Variants in PDE7B observed in about 807,000 individuals in gnomAD.
The protein encoded by PDE7B is 3',5'-cyclic-AMP phosphodiesterase 7B.
PDE7B carries 29 observed loss-of-function variants against 56.2 expected under a neutral mutation model. The ratio of observed to expected loss-of-function variants is 0.52; its 90% confidence interval spans 0.38 to 0.70. The LOEUF (loss-of-function observed/expected upper bound fraction) is 0.70. PDE7B is among the 30% of genes least tolerant of loss of function. The pLI is 0.00. For missense variants in PDE7B, 490 were observed against 565.0 expected (o/e 0.87, Z 1.35); for synonymous variants, 197 against 196.9 (o/e 1.00, Z 0.00).
intron 2 of PDE7B, among the ~76,000 whole-genome samples, chr6:135,956,165 TAAAGGA>T (rs956355701): frequency 7.2e-5 from 11 of 151,830 alleles, no homozygotes; most frequent in Admixed American, 2.0e-4. Flanking sequence ...GGCAGAAAGA[TAAAGGA>T]AAAGGAGAGG....
intron 3 of PDE7B, among the ~76,000 whole-genome samples, chr6:136,147,046 G>T (rs1778424656): frequency 6.6e-6 from 1 of 152,058 alleles, no homozygotes; most frequent in South Asian, 2.1e-4. Flanking sequence ...GGAGGGTGAG[G>T]CGGGAGGATC....
chr6:136,126,719 G>GT (rs1778028383), intron 3 of PDE7B, among the ~76,000 whole-genome samples: 2 of 152,264 alleles, frequency 1.3e-5, no homozygotes, highest in Admixed American at 1.3e-4. Context: ...ACCAAACATC[G>GT]TATGTTCTCA....
intron 2 of PDE7B, among the ~76,000 whole-genome samples, chr6:136,067,724 T>A (rs930399316): frequency 3.3e-5 from 5 of 152,180 alleles, no homozygotes; most frequent in Non-Finnish European, 5.9e-5. Context: ...AAGGAAGGTG[T>A]TTTTCAAGTG....
chr6:135,851,977 A>G lies in PDE7B; in HGVS notation c.-22A>G. 6.2e-7 allele frequency: 1 copy of G among 1,600,930 alleles called. No individual in the cohort carries two copies. The highest frequency in any genetic ancestry group is 8.6e-7 in the Non-Finnish European group (1 of 1,168,054). On this transcript the variant is annotated 5_prime_UTR_variant, in exon 1 of 13. Coordinates refer to ENST00000308191, the MANE Select transcript of PDE7B (RefSeq NM_018945.4). Reference sequence around the variant, plus strand: ...AGAGATTTCACGGCATTCAAAGGTCACAGAACTGCCACTATGGTTAAATGT... The same window carrying G: ...AGAGATTTCACGGCATTCAAAGGTCGCAGAACTGCCACTATGGTTAAATGT...
At chr6:136,047,678 C>T (rs370418020) in intron 2 of PDE7B, among the ~76,000 whole-genome samples, 11 of 152,126 alleles carry the variant, frequency 7.2e-5, no homozygotes, top group African/African-American at 2.7e-4. Context: ...TAAGCATCAA[C>T]CAAATAGGTG....
At chr6:135,946,747 G>T (rs1774602746) in intron 1 of PDE7B, among the ~76,000 whole-genome samples, 1 of 151,896 alleles carries the variant, frequency 6.6e-6, no homozygotes, top group African/African-American at 2.4e-5. Context: ...TTTTCTATTA[G>T]ATTTGTTATG....
At chr6:136,033,086 A>C (rs1776268552) in intron 2 of PDE7B, among the ~76,000 whole-genome samples, 1 of 152,258 alleles carries the variant, frequency 6.6e-6, no homozygotes, top group Non-Finnish European at 1.5e-5. Context: ...ATCAGAAATA[A>C]GTCCTGAAAT....
intron 2 of PDE7B, among the ~76,000 whole-genome samples, chr6:136,040,654 TAGAC>T (rs997481021): frequency 6.6e-6 from 1 of 152,222 alleles, no homozygotes; most frequent in Admixed American, 6.5e-5. Flanking sequence ...AGGTTTATGA[TAGAC>T]AGCTCTTCAA....
intron 1 of PDE7B, among the ~76,000 whole-genome samples, chr6:135,860,625 T>G (rs1247147703): frequency 6.6e-6 from 1 of 151,994 alleles, no homozygotes; most frequent in Non-Finnish European, 1.5e-5. Flanking sequence ...ATTTGTTAGA[T>G]TAAGGTGTTT....
At chr6:135,988,686 T>C (rs1775423474) in intron 2 of PDE7B, among the ~76,000 whole-genome samples, 1 of 152,140 alleles carries the variant, frequency 6.6e-6, no homozygotes, top group Non-Finnish European at 1.5e-5. Context: ...AGTGTTCTGA[T>C]CAAGTGGGTA....
intron 3 of PDE7B, chr6:136,115,088 A>G (rs1483182444): frequency 6.6e-6 from 1 of 152,180 alleles, no homozygotes; most frequent in East Asian, 1.9e-4. Context: ...GGAGATACAA[A>G]GATGAATGAG....
chr6:136,126,396 A>G (rs1352710125), intron 3 of PDE7B, among the ~76,000 whole-genome samples: 1 of 152,224 alleles, frequency 6.6e-6, no homozygotes, highest in Non-Finnish European at 1.5e-5. Context: ...CAGTGTGGAG[A>G]TTCCTTAAAG....
At chr6:135,908,452 C>T (rs1482564429) in intron 1 of PDE7B, among the ~76,000 whole-genome samples, 2 of 151,884 alleles carry the variant, frequency 1.3e-5, no homozygotes, top group African/African-American at 2.4e-5. Flanking sequence ...TTGTCATCAC[C>T]TATTTTACAA....
intron 11 of PDE7B, among the ~76,000 whole-genome samples, chr6:136,182,088 G>C (rs1779075889): frequency 6.6e-6 from 1 of 152,142 alleles, no homozygotes; most frequent in African/African-American, 2.4e-5. Flanking sequence ...AACAAATAAA[G>C]CTTGAAGTGT....
chr6:136,178,390 C>T (rs1480642), intron 9 of PDE7B, among the ~76,000 whole-genome samples: 35,510 of 152,046 alleles, frequency 0.23, 11,418 homozygotes, highest in African/African-American at 0.72. Context: ...GGGAAAGCTC[C>T]AACTTGCTTT....
In PDE7B at chr6:136,147,364, A is replaced by G. The variant is rs746810490; in HGVS notation, c.180A>G (p.Ser60=). ...DFRLLNSTTY[S]GEIGTKKKVK... ...GACTTTCCACAGGTACAACATACTCAGGGGAGATTGGCACCAAGAAAAAGG... is the reference window on the plus strand; with the variant it reads ...GACTTTCCACAGGTACAACATACTCGGGGGAGATTGGCACCAAGAAAAAGG... The change falls in exon 4 of 13, where the codon TCA becomes TCG. Residue 60 remains serine, a synonymous_variant. Coordinates refer to ENST00000308191, the MANE Select transcript of PDE7B (RefSeq NM_018945.4). 6.2e-7 allele frequency: 1 copy of G among 1,611,960 alleles called. No homozygotes were observed. The highest frequency in any genetic ancestry group is 8.5e-7 in the Non-Finnish European group (1 of 1,178,196).
chr6:136,180,434 C>T (rs1053004332), intron 10 of PDE7B, among the ~76,000 whole-genome samples: 1 of 152,196 alleles, frequency 6.6e-6, no homozygotes, highest in African/African-American at 2.4e-5. Context: ...TCAACATGTA[C>T]TGGTACCCCC....
chr6:136,181,436 T>G, intron 11 of PDE7B, 113 bp downstream of exon 11: 1 of 712,024 alleles, frequency 1.4e-6, no homozygotes, highest in South Asian at 1.7e-5. Flanking sequence ...TCATCAACTC[T>G]TGTTATCCTA....
intron 3 of PDE7B, among the ~76,000 whole-genome samples, chr6:136,137,433 G>A (rs1778230065): frequency 6.6e-6 from 1 of 152,048 alleles, no homozygotes; most frequent in Non-Finnish European, 1.5e-5. Flanking sequence ...GCTAATATTA[G>A]GTTTATGTAG....
Sources: allele counts gnomAD v4.1 joint callset (sites outside exome capture counted in the v4.1 genomes callset), GRCh38; gene constraint gnomAD v4.1.1; transcripts MANE v1.5; gene names NCBI Gene and HGNC (gene_info 2026-07-23, HGNC 2026-07-21).